EML6: variants seen among roughly 807,000 people sequenced by gnomAD.
EML6 encodes echinoderm microtubule-associated protein-like 6.
A neutral mutation model predicts 240.1 loss-of-function variants in EML6; 154 were observed. The observed-to-expected ratio is 0.64, with a 90% CI of 0.56 to 0.73. The LOEUF is 0.73. Ranked by LOEUF, EML6 falls within the 30% of genes least tolerant of loss-of-function variation. The probability of loss-of-function intolerance (pLI) is 0.00; values close to 1 mark genes in which losing one functional copy is unlikely to be tolerated. For missense variants in EML6, 2,964 were observed against 2,474.6 expected (o/e 1.20, Z -4.20); for synonymous variants, 1,148 against 899.0 (o/e 1.28, Z -4.95).
intron 12 of EML6, among the ~76,000 whole-genome samples, chr2:54,863,001 G>A (rs1190186145): frequency 1.3e-5 from 2 of 152,232 alleles, no homozygotes; most frequent in African/African-American, 2.4e-5. Context: ...TCAAGCAGTG[G>A]TTCACGGTTG....
At chr2:54,863,720 A>G (rs1234191010) in intron 12 of EML6, 63 bp from the exon 13 acceptor site, 3 of 782,156 alleles carry the variant, frequency 3.8e-6, no homozygotes, top group Non-Finnish European at 6.4e-6. Flanking sequence ...AATATTTTAG[A>G]TAATTTCAGT....
At chr2:54,954,315 G>A (rs537034009) in intron 32 of EML6, among the ~76,000 whole-genome samples, 159 bp downstream of exon 32, 4 of 152,310 alleles carry the variant, frequency 2.6e-5, no homozygotes, top group East Asian at 3.9e-4. Flanking sequence ...TGGTATAGCT[G>A]CCCCACTGAT....
At chr2:54,824,532 C>G (rs1392231246) in intron 5 of EML6, among the ~76,000 whole-genome samples, 2 of 152,118 alleles carry the variant, frequency 1.3e-5, no homozygotes, top group East Asian at 1.9e-4. Context: ...AGTGCAAAAT[C>G]TTTGTACTCA....
At chr2:54,734,617 G>A (rs1019920999) in intron 2 of EML6, among the ~76,000 whole-genome samples, 1 of 152,198 alleles carries the variant, frequency 6.6e-6, no homozygotes, top group South Asian at 2.1e-4. Flanking sequence ...GTACTCACAG[G>A]AGGCTTCCTG....
chr2:54,941,563 T>C (rs1675429407), intron 28 of EML6, among the ~76,000 whole-genome samples: 1 of 152,210 alleles, frequency 6.6e-6, no homozygotes, highest in Non-Finnish European at 1.5e-5. Context: ...ATTTACCATA[T>C]AGAGATTGAT....
chr2:54,770,604 T>G (rs1409103814), intron 2 of EML6, among the ~76,000 whole-genome samples: 1 of 152,220 alleles, frequency 6.6e-6, no homozygotes, highest in Non-Finnish European at 1.5e-5. Context: ...CTTCCTAGTC[T>G]CTTCTCAGTT....
chr2:54,950,741 A>C lies in EML6; in HGVS notation c.4175A>C (p.His1392Pro). 6.4e-7 allele frequency: 1 copy of C among 1,551,680 alleles called. No homozygotes were observed. The highest frequency in any genetic ancestry group is 1.2e-5 in the South Asian group (1 of 84,064). The change falls in exon 30 of 42, where the codon CAC becomes CCC. Residue 1392 changes from histidine to proline, a missense_variant. By Grantham distance (77) the His-to-Pro change is moderately conservative. Transcript: ENST00000356458. ...AATGATGGCGCTGACATCATCTTCC[A>C]CACAGCAGCGGCTGGCATCGTTCAG... Reference protein sequence around the residue: ...YLNDGADIIFHTAAAGIVQNL... With the variant: ...YLNDGADIIFPTAAAGIVQNL...
intron 2 of EML6, among the ~76,000 whole-genome samples, chr2:54,749,568 A>T (rs1361856628): frequency 6.6e-6 from 1 of 152,166 alleles, no homozygotes; most frequent in African/African-American, 2.4e-5. Context: ...TACTTCATAT[A>T]TATGTGATTT....
intron 7 of EML6, among the ~76,000 whole-genome samples, chr2:54,835,053 T>C (rs147441099): frequency 3.6e-4 from 55 of 152,160 alleles, no homozygotes; most frequent in Non-Finnish European, 6.6e-4. Flanking sequence ...TCGCTGCTTC[T>C]CCCTCTGCCT....
intron 7 of EML6, among the ~76,000 whole-genome samples, chr2:54,841,249 G>T (rs1371988092): frequency 6.6e-6 from 1 of 152,244 alleles, no homozygotes; most frequent in Admixed American, 6.5e-5. Flanking sequence ...GATGTTTGCA[G>T]TGGAGGATTT....
At chr2:54,749,521 T>C (rs1283388039) in intron 2 of EML6, among the ~76,000 whole-genome samples, 2 of 152,146 alleles carry the variant, frequency 1.3e-5, no homozygotes, top group Non-Finnish European at 2.9e-5. Flanking sequence ...CAACATTTTA[T>C]AATGTGTACC....
intron 16 of EML6, 95 bp from the exon 17 acceptor site, chr2:54,879,452 G>C: frequency 1.3e-6 from 1 of 789,636 alleles, no homozygotes; most frequent in Non-Finnish European, 2.1e-6. Context: ...ATATTTATCA[G>C]TTCTTAAGAT....
chr2:54,927,593 G>T (rs982223699), intron 26 of EML6, among the ~76,000 whole-genome samples: 1 of 152,188 alleles, frequency 6.6e-6, no homozygotes, highest in African/African-American at 2.4e-5. Context: ...TGCCAGCTTT[G>T]ATTTTGCACC....
intron 26 of EML6, among the ~76,000 whole-genome samples, chr2:54,922,798 A>G (rs1208754209): frequency 1.3e-5 from 2 of 152,196 alleles, no homozygotes; most frequent in Non-Finnish European, 2.9e-5. Flanking sequence ...CAGGCACAGA[A>G]AGACAAATAC....
intron 35 of EML6, among the ~76,000 whole-genome samples, chr2:54,960,954 A>G (rs371370763): frequency 2.6e-5 from 4 of 152,130 alleles, no homozygotes; most frequent in African/African-American, 9.7e-5. Flanking sequence ...GATGCACTTA[A>G]AAGCCAATCT....
At chr2:54,762,783 C>A (rs948370607) in intron 2 of EML6, among the ~76,000 whole-genome samples, 1 of 152,136 alleles carries the variant, frequency 6.6e-6, no homozygotes, top group African/African-American at 2.4e-5. Flanking sequence ...TTTGTACTTT[C>A]CCTTCCCTAG....
chr2:54,886,380 T>C (rs1323456898), intron 17 of EML6, among the ~76,000 whole-genome samples: 1 of 152,144 alleles, frequency 6.6e-6, no homozygotes, highest in African/African-American at 2.4e-5. Context: ...TTGGCCAGGC[T>C]GGTCTCTAAC....
intron 16 of EML6, among the ~76,000 whole-genome samples, chr2:54,873,945 A>G (rs1158201188): frequency 6.6e-6 from 1 of 151,664 alleles, no homozygotes; most frequent in Non-Finnish European, 1.5e-5. Context: ...TGAACTCAAA[A>G]TACCATCTAT....
chr2:54,740,644 T>C (rs1683589275), intron 2 of EML6, among the ~76,000 whole-genome samples: 1 of 152,226 alleles, frequency 6.6e-6, no homozygotes, highest in Non-Finnish European at 1.5e-5. Context: ...CTAGTGAGTT[T>C]TATGCTGCAG....
Sources: allele counts gnomAD v4.1 joint callset (sites outside exome capture counted in the v4.1 genomes callset), GRCh38; gene constraint gnomAD v4.1.1; transcripts MANE v1.5; gene names NCBI Gene and HGNC (gene_info 2026-07-23, HGNC 2026-07-21).